TAF13: variants seen among roughly 807,000 people sequenced by gnomAD.
The protein encoded by TAF13 is TATA-box binding protein associated factor 13.
Under a neutral mutation model 18.7 loss-of-function variants are expected in TAF13, and 9 were observed. The observed-to-expected ratio is 0.48, with a 90% CI of 0.29 to 0.84. TAF13 has a LOEUF of 0.84. Ranked by LOEUF, TAF13 falls within the 40% of genes least tolerant of loss-of-function variation. The pLI is 0.08. For missense variants in TAF13, 105 were observed against 146.5 expected (o/e 0.72, Z 1.46); for synonymous variants, 49 against 44.1 (o/e 1.11, Z -0.44).
chr1:109,065,921 CA>C (rs35972596), intron 3 of TAF13, among the ~76,000 whole-genome samples: 18,600 of 86,388 alleles, frequency 0.22, 1,114 homozygotes, highest in Middle Eastern at 0.35. Context: ...AACTCCATCT[CA>C]AAAAAAAAAA....
chr1:109,075,882 T>A (rs771327403), intron 1 of TAF13, 39 bp downstream of exon 1: 1 of 1,613,830 alleles, frequency 6.2e-7, no homozygotes, highest in South Asian at 1.1e-5. Context: ...CCCGAAGGAG[T>A]GAAGAAAAGA....
intron 2 of TAF13, among the ~76,000 whole-genome samples, chr1:109,071,862 G>C (rs60877418): frequency 6.7e-6 from 1 of 149,876 alleles, no homozygotes; most frequent in Non-Finnish European, 1.5e-5. Context: ...TGAAGCAGGA[G>C]AGTCGCTTGA....
intron 2 of TAF13, among the ~76,000 whole-genome samples, chr1:109,072,121 CAT>C (rs1206553272): frequency 1.1e-3 from 5 of 4,684 alleles, no homozygotes; most frequent in African/African-American, 4.0e-3. Flanking sequence ...TATATACACA[CAT>C]ATATATATAT....
At chr1:109,075,212 A>G (rs1050475184) in intron 1 of TAF13, 147 bp from the exon 2 acceptor site, 20 of 673,524 alleles carry the variant, frequency 3.0e-5, no homozygotes, top group Non-Finnish European at 4.7e-5. Context: ...CTTAGCATTG[A>G]AGGAGCCTAT....
intron 1 of TAF13, among the ~76,000 whole-genome samples, chr1:109,075,533 A>G (rs985763819): frequency 6.6e-6 from 1 of 152,226 alleles, no homozygotes; most frequent in Non-Finnish European, 1.5e-5. Flanking sequence ...TAACTTGCTC[A>G]GAGAGAATGG....
chr1:109,066,114 C>T, intron 3 of TAF13, 21 bp downstream of exon 3: 2 of 1,578,330 alleles, frequency 1.3e-6, no homozygotes, highest in East Asian at 2.2e-5. Context: ...TTAACTAAGA[C>T]CAGTTAGGAA....
chr1:109,073,256 T>C (rs952121510), intron 2 of TAF13, among the ~76,000 whole-genome samples: 12 of 151,598 alleles, frequency 7.9e-5, no homozygotes, highest in African/African-American at 2.9e-4. Context: ...AAGCAATTTA[T>C]AGGCCGGGTG....
At chr1:109,074,067 C>G (rs975955800) in intron 2 of TAF13, among the ~76,000 whole-genome samples, 1 of 152,238 alleles carries the variant, frequency 6.6e-6, no homozygotes, top group Non-Finnish European at 1.5e-5. Flanking sequence ...GCCACCCTGT[C>G]TGGGAGGTGT....
Position 109,067,455 on chromosome 1 carries a change from CAA to C in TAF13, c.107-1225_107-1224del, listed in dbSNP as rs1432715112. 2.8e-3 allele frequency among the ~76,000 whole-genome samples: 415 copies of C among 147,118 alleles called. 5 individuals are homozygous for C. The highest frequency in any genetic ancestry group is 0.01 in the African/African-American group (401 of 39,836). ...TTCTACTAAAAAAAAAAAAAAAACA[CAA>C]AAGTCAGCTGGGGGTGTTGGCACAT... On this transcript the variant is annotated intron_variant, in intron 2 of 3. Transcript: ENST00000338366.
At chr1:109,072,953 G>A (rs1218304993) in intron 2 of TAF13, among the ~76,000 whole-genome samples, 1 of 151,080 alleles carries the variant, frequency 6.6e-6, no homozygotes, top group African/African-American at 2.4e-5. Flanking sequence ...GGCTGGTCTC[G>A]AACTCCTGAC....
chr1:109,072,704 C>A, intron 2 of TAF13, among the ~76,000 whole-genome samples: 1 of 152,168 alleles, frequency 6.6e-6, no homozygotes, highest in African/African-American at 2.4e-5. Flanking sequence ...CTTGACCTCC[C>A]GAAGTGCTGG....
intron 2 of TAF13, among the ~76,000 whole-genome samples, chr1:109,070,095 G>A (rs1664022803): frequency 1.3e-5 from 2 of 152,172 alleles, no homozygotes; most frequent in African/African-American, 4.8e-5. Context: ...GATTTTACAA[G>A]TTTTTCCACC....
At chr1:109,067,660 G>T (rs1435140195) in intron 2 of TAF13, among the ~76,000 whole-genome samples, 1 of 151,992 alleles carries the variant, frequency 6.6e-6, no homozygotes, top group Non-Finnish European at 1.5e-5. Context: ...TAATAAGAGA[G>T]AAGTCTAATA....
At position 109,075,986 on chromosome 1, in the gene TAF13, C is replaced by T; in HGVS notation, c.-39G>A. 1 of 1,614,180 alleles carries T rather than the reference C, an allele frequency of 6.2e-7. No individual in the cohort carries two copies. Among genetic ancestry groups the T allele is most frequent in the Non-Finnish European group, 8.5e-7 (1 of 1,180,030 alleles). On this transcript the variant is annotated 5_prime_UTR_variant, in exon 1 of 4. Coordinates refer to ENST00000338366, the MANE Select transcript of TAF13 (RefSeq NM_005645.4). Reference sequence around the variant, plus strand: ...CAACTCACAGCGTCCTGCCGGCTGGCTCCCAGCTGGTTACACTACTTCCGC... The same window carrying T: ...CAACTCACAGCGTCCTGCCGGCTGGTTCCCAGCTGGTTACACTACTTCCGC...
At chr1:109,071,211 G>A (rs916858491) in intron 2 of TAF13, among the ~76,000 whole-genome samples, 2 of 151,828 alleles carry the variant, frequency 1.3e-5, no homozygotes, top group African/African-American at 4.8e-5. Flanking sequence ...GAGGCCGAGT[G>A]GGGTGGATCA....
intron 1 of TAF13, 139 bp from the exon 2 acceptor site, chr1:109,075,204 T>G: frequency 1.4e-6 from 1 of 708,698 alleles, no homozygotes; most frequent in Non-Finnish European, 2.3e-6. Flanking sequence ...CACGAAACCT[T>G]AGCATTGAAG....
At chr1:109,065,768 C>CA (rs1366837306) in intron 3 of TAF13, among the ~76,000 whole-genome samples, 1 of 151,708 alleles carries the variant, frequency 6.6e-6, no homozygotes, top group Non-Finnish European at 1.5e-5. Context: ...ACTAAAAATA[C>CA]AAAATTAGCT....
intron 2 of TAF13, among the ~76,000 whole-genome samples, chr1:109,067,720 T>C (rs1414209899): frequency 6.6e-6 from 1 of 152,194 alleles, no homozygotes. Flanking sequence ...TAGCCCTTAT[T>C]ATATGCCAGG....
rs140987400 is a variant in TAF13 at position 109,072,714 on chromosome 1, G to C, written c.106+2273C>G. 5.3e-3 allele frequency among the ~76,000 whole-genome samples: 807 copies of C among 151,986 alleles called. 3 individuals carry two copies. The highest frequency in any genetic ancestry group is 9.4e-3 in the Non-Finnish European group (636 of 67,992). ...CCTGCCTTGACCTCCCGAAGTGCTG[G>C]GATTACAGGCGTGAGCCACTGCATC... On this transcript the variant is annotated intron_variant, in intron 2 of 3. Coordinates refer to ENST00000338366, the MANE Select transcript of TAF13 (RefSeq NM_005645.4).
Sources: gnomAD v4.1 joint callset for allele counts (sites outside exome capture counted in the v4.1 genomes callset) on GRCh38, gnomAD v4.1.1 for gene constraint, MANE v1.5 for transcripts, NCBI Gene and HGNC (gene_info 2026-07-23, HGNC 2026-07-21) for gene names.